RBFOX1: variants seen among roughly 807,000 people sequenced by gnomAD.
RBFOX1 encodes the protein RNA binding protein fox-1 homolog 1.
Under a neutral mutation model 57.7 loss-of-function variants are expected in RBFOX1, and 8 were observed. The observed-to-expected ratio is 0.14, with a 90% CI of 0.08 to 0.25. RBFOX1 has a LOEUF of 0.25. Ranked by LOEUF, RBFOX1 falls within the 10% of genes least tolerant of loss-of-function variation. The pLI, the probability that RBFOX1 is intolerant of heterozygous loss-of-function variation, is 1.00. For synonymous variants in RBFOX1, 326 were observed against 222.4 expected (o/e 1.47, Z -4.15); for missense variants, 611 against 548.5 (o/e 1.11, Z -1.14).
chr16:6,254,355 A>T (rs10500339), intron 1 of RBFOX1, among the ~76,000 whole-genome samples: 1 of 152,120 alleles, frequency 6.6e-6, no homozygotes, highest in Non-Finnish European at 1.5e-5. Flanking sequence ...TATCAAAATC[A>T]TGAGAATCAT....
intron 2 of RBFOX1, among the ~76,000 whole-genome samples, chr16:6,391,767 T>C (rs2092614347): frequency 6.6e-6 from 1 of 152,078 alleles, no homozygotes; most frequent in South Asian, 2.1e-4. Flanking sequence ...AGGAGAAGAT[T>C]AAGTACAATT....
chr16:6,803,358 C>G (rs376297323), intron 3 of RBFOX1, among the ~76,000 whole-genome samples: 3 of 152,220 alleles, frequency 2.0e-5, no homozygotes, highest in African/African-American at 7.2e-5. Flanking sequence ...TGCCTCCAGC[C>G]GTACAGAGAA....
chr16:6,152,176 G>A (rs572606348), intron 1 of RBFOX1, among the ~76,000 whole-genome samples: 11 of 152,256 alleles, frequency 7.2e-5, no homozygotes, highest in African/African-American at 2.4e-4. Flanking sequence ...TAAAATATAT[G>A]CTGGCATAAT....
intron 1 of RBFOX1, among the ~76,000 whole-genome samples, chr16:5,305,921 T>G (rs1451107336): frequency 6.6e-6 from 1 of 152,122 alleles, no homozygotes; most frequent in Non-Finnish European, 1.5e-5. Flanking sequence ...GCTTGATGTG[T>G]GGCACACGTC....
intron 15 of RBFOX1, chr16:7,709,541 C>G (rs1230263750): frequency 4.6e-6 from 7 of 1,532,952 alleles, no homozygotes; most frequent in Non-Finnish European, 4.4e-6. Flanking sequence ...CTAAGCTGCA[C>G]ACTTCCAGGC....
At chr16:6,939,352 T>C (rs527703816) in intron 3 of RBFOX1, among the ~76,000 whole-genome samples, 2 of 152,012 alleles carry the variant, frequency 1.3e-5, no homozygotes, top group East Asian at 3.9e-4. Context: ...TATAAATTGG[T>C]CCAAAGTTTT....
At chr16:6,576,418 G>A (rs577012589) in intron 2 of RBFOX1, among the ~76,000 whole-genome samples, 1 of 152,308 alleles carries the variant, frequency 6.6e-6, no homozygotes, top group Non-Finnish European at 1.5e-5. Flanking sequence ...AGTGGACCCA[G>A]TTGGGAATCA....
intron 3 of RBFOX1, among the ~76,000 whole-genome samples, chr16:6,880,475 T>A (rs537075293): frequency 6.6e-6 from 1 of 152,260 alleles, no homozygotes; most frequent in South Asian, 2.1e-4. Context: ...TGGTCCAAGG[T>A]GGACAAATGA....
At chr16:6,557,036 CAT>C (rs533242041) in intron 2 of RBFOX1, among the ~76,000 whole-genome samples, 92 of 123,710 alleles carry the variant, frequency 7.4e-4, no homozygotes, top group South Asian at 4.1e-3. Flanking sequence ...CATATATACA[CAT>C]ATATATACAT....
rs184671191 is a variant in RBFOX1 at position 5,995,384 on chromosome 16, G to C, written c.351+128049G>C. Among the ~76,000 whole-genome samples, 499 of 152,238 alleles carry C rather than the reference G, an allele frequency of 3.3e-3. 2 individuals carry two copies. The highest frequency in any genetic ancestry group is 0.013 in the South Asian group (61 of 4,820). ...AAAGGCAAGCTCATTAAGATAGATT[G>C]CCCGCCATGAATTTTAGAGTCCTAC... On this transcript the variant is annotated intron_variant, in intron 4 of 19. Coordinates refer to the RBFOX1 transcript ENST00000641259.
At chr16:6,166,257 A>C (rs1478752035) in intron 1 of RBFOX1, among the ~76,000 whole-genome samples, 1 of 152,050 alleles carries the variant, frequency 6.6e-6, no homozygotes, top group Non-Finnish European at 1.5e-5. Flanking sequence ...TGTCCTGGTG[A>C]ACTTGTTGAC....
intron 4 of RBFOX1, among the ~76,000 whole-genome samples, chr16:5,891,477 A>T (rs1437903253): frequency 6.6e-6 from 1 of 152,244 alleles, no homozygotes; most frequent in African/African-American, 2.4e-5. Context: ...TCAGTTTTAA[A>T]ATAGACAAAC....
chr16:6,730,668 AAATAACACC>A (rs1243766900), intron 3 of RBFOX1, among the ~76,000 whole-genome samples: 1 of 152,236 alleles, frequency 6.6e-6, no homozygotes, highest in Non-Finnish European at 1.5e-5. Flanking sequence ...AATCATGGTG[AAATAACACC>A]TCTTAGATGA....
intron 1 of RBFOX1, among the ~76,000 whole-genome samples, chr16:6,087,757 A>G (rs550269326): frequency 6.4e-4 from 97 of 151,960 alleles, no homozygotes; most frequent in African/African-American, 2.3e-3. Context: ...GGTTCAAGCA[A>G]TTCTCCTGCC....
intron 3 of RBFOX1, among the ~76,000 whole-genome samples, chr16:6,955,252 A>G (rs1239697192): frequency 6.6e-6 from 1 of 152,082 alleles, no homozygotes; most frequent in African/African-American, 2.4e-5. Flanking sequence ...GAAGAAAAAA[A>G]GAAAAAAAGA....
intron 4 of RBFOX1, among the ~76,000 whole-genome samples, chr16:7,179,845 C>T (rs2082351082): frequency 7.2e-5 from 11 of 152,078 alleles, no homozygotes; most frequent in Admixed American, 6.6e-4. Flanking sequence ...AGCGATTCTC[C>T]TGCCTCAGCC....
At chr16:5,294,683 C>T (rs755924750) in intron 1 of RBFOX1, among the ~76,000 whole-genome samples, 21 of 152,076 alleles carry the variant, frequency 1.4e-4, no homozygotes, top group African/African-American at 4.6e-4. Flanking sequence ...CCTTTCCTTT[C>T]ACATTTGGAC....
chr16:6,214,999 G>A (rs2097325881), intron 1 of RBFOX1, among the ~76,000 whole-genome samples: 1 of 132,152 alleles, frequency 7.6e-6, no homozygotes, highest in Non-Finnish European at 1.6e-5. Flanking sequence ...AGAGGGACAG[G>A]GAAAGAGGGA....
chr16:5,912,866 C>A (rs931859918), intron 4 of RBFOX1, among the ~76,000 whole-genome samples: 2 of 152,070 alleles, frequency 1.3e-5, no homozygotes, highest in African/African-American at 2.4e-5. Context: ...AGGGATGGGT[C>A]CATGGGGAGA....
Sources: allele counts gnomAD v4.1 joint callset (sites outside exome capture counted in the v4.1 genomes callset), GRCh38; gene constraint gnomAD v4.1.1; transcripts MANE v1.5; gene names NCBI Gene and HGNC (gene_info 2026-07-23, HGNC 2026-07-21).